TOPBP1: variants seen among roughly 807,000 people sequenced by gnomAD.
TOPBP1 encodes the protein DNA topoisomerase 2-binding protein 1.
A neutral mutation model predicts 167.7 loss-of-function variants in TOPBP1; 28 were observed. The observed-to-expected ratio is 0.17, with a 90% confidence interval of 0.12 to 0.23. The LOEUF (loss-of-function observed/expected upper bound fraction) is 0.23. Ranked by LOEUF, TOPBP1 falls within the 10% of genes least tolerant of loss-of-function variation. The pLI is 1.00. For synonymous variants in TOPBP1, 598 were observed against 611.4 expected (o/e 0.98, Z 0.32); for missense variants, 1,554 against 1,809.6 (o/e 0.86, Z 2.56).
chr3:133,649,470 A>G lies in TOPBP1; in HGVS notation c.1417T>C (p.Ser473Pro), dbSNP rs1936204715. 1 of 1,613,924 alleles carries G rather than the reference A, an allele frequency of 6.2e-7. No individual in the cohort carries two copies. The highest frequency in any genetic ancestry group is 1.3e-5 in the African/African-American group (1 of 75,050). ...TCACTAGGAGCAAAGTCTTTCTTAG[A>G]GAAGCTGCTGTTCTTCTTTTTTAAA... Reference protein sequence around the residue: ...ALLKKKNSSFSKKDFAPSEKH... With the variant: ...ALLKKKNSSFPKKDFAPSEKH... The change falls in exon 10 of 28, where the codon TCT (serine) becomes CCT (proline). Residue 473 changes from serine to proline, a missense_variant. Physicochemically the swap from Ser to Pro is moderately conservative, Grantham distance 74. Around this residue, in one of 3 missense-constraint regions of TOPBP1, gnomAD observed 1,197 missense variants for 1,351.5 expected, o/e 0.89. Transcript: ENST00000260810.
Position 133,623,445 on chromosome 3 carries a change from A to C in TOPBP1, c.2941T>G (p.Cys981Gly). Residue 981 changes from cysteine to glycine, a missense_variant, in exon 18 of 28, where the codon TGT becomes GGT. Coordinates refer to ENST00000260810, the MANE Select transcript of TOPBP1 (RefSeq NM_007027.4). ...EHWLLDCAQECKHLPESLYPH... is the reference protein window; with the variant it reads ...EHWLLDCAQEGKHLPESLYPH... Reference sequence around the variant, plus strand: ...TAAAGAGATTCAGGAAGATGTTTACACTCTTGGGCACACTGCAATACAATG... The same window carrying C: ...TAAAGAGATTCAGGAAGATGTTTACCCTCTTGGGCACACTGCAATACAATG... 1 of 1,610,268 alleles carries C rather than the reference A, an allele frequency of 6.2e-7. No individual in the cohort carries two copies.
intron 27 of TOPBP1, among the ~76,000 whole-genome samples, chr3:133,602,032 T>C (rs1934321964): frequency 6.6e-6 from 1 of 152,022 alleles, no homozygotes; most frequent in Non-Finnish European, 1.5e-5. Context: ...GCAAACACAG[T>C]GTATGAAGTA....
At chr3:133,609,303 G>A (rs757400956) in intron 25 of TOPBP1, among the ~76,000 whole-genome samples, 1 of 152,160 alleles carries the variant, frequency 6.6e-6, no homozygotes, top group South Asian at 2.1e-4. Flanking sequence ...GATGAAGCCT[G>A]CGTTTCACTT....
intron 13 of TOPBP1, among the ~76,000 whole-genome samples, chr3:133,638,780 C>T (rs571171179): frequency 6.6e-6 from 1 of 152,296 alleles, no homozygotes; most frequent in East Asian, 1.9e-4. Context: ...ATGCCTTCCA[C>T]CTTTTTTCAA....
Position 133,620,383 on chromosome 3 carries a change from T to G in TOPBP1, c.3179-36A>C, listed in dbSNP as rs200290702. On this transcript the variant is annotated intron_variant, in intron 19 of 27. Transcript: ENST00000260810. ...ACACAAATACACCATTCAAGGTAAG[T>G]TCCTCTTTTTTACCATATCTTACAT... 1.6e-5 allele frequency: 25 copies of G among 1,584,722 alleles called. No homozygotes were observed. The East Asian group carries it at 5.6e-4, about 35-fold the overall frequency.
intron 5 of TOPBP1, 141 bp downstream of exon 5, chr3:133,656,535 G>T: frequency 1.3e-6 from 1 of 762,032 alleles, no homozygotes; most frequent in Non-Finnish European, 1.9e-6. Context: ...TGTAGATTCT[G>T]CTCTTCCGTT....
At chr3:133,612,368 T>C (rs1337058797) in intron 24 of TOPBP1, 21 bp downstream of exon 24, 1 of 1,611,886 alleles carries the variant, frequency 6.2e-7, no homozygotes, top group South Asian at 1.1e-5. Flanking sequence ...AAAATAAACT[T>C]CCACAAATCT....
chr3:133,601,770 C>T (rs1934308519), intron 27 of TOPBP1, among the ~76,000 whole-genome samples: 1 of 152,180 alleles, frequency 6.6e-6, no homozygotes, highest in Non-Finnish European at 1.5e-5. Flanking sequence ...AAAACCCTTG[C>T]ATTTTCCCCC....
intron 6 of TOPBP1, among the ~76,000 whole-genome samples, chr3:133,654,242 C>A (rs1047128473): frequency 6.6e-6 from 1 of 152,110 alleles, no homozygotes; most frequent in African/African-American, 2.4e-5. Context: ...TAATAAATCC[C>A]AACTTTGAAC....
rs748754772 is a variant in TOPBP1 at position 133,618,301 on chromosome 3, T to G, written c.3504A>C (p.Thr1168=). Residue 1168 remains threonine (T), a synonymous_variant, in exon 21 of 28, where the codon ACA becomes ACC. Transcript: ENST00000260810. ...ASNLQWPSCP[T]QYSELQVDIQ... Reference sequence around the variant, plus strand: ...TGTCAACCTGAAGCTCAGAGTATTGTGTGGGACAACTAGGCCACTGCAAAT... The same window carrying G: ...TGTCAACCTGAAGCTCAGAGTATTGGGTGGGACAACTAGGCCACTGCAAAT... 6.2e-7 allele frequency: 1 copy of G among 1,614,026 alleles called. No individual in the cohort carries two copies. Among genetic ancestry groups the G allele is most frequent in the African/African-American group, 1.3e-5 (1 of 75,070 alleles).
intron 19 of TOPBP1, among the ~76,000 whole-genome samples, chr3:133,621,837 G>A (rs577501846): frequency 1.3e-5 from 2 of 152,318 alleles, no homozygotes; most frequent in African/African-American, 4.8e-5. Context: ...TCTATTAAAA[G>A]ACATCCATGT....
chr3:133,623,046 T>C, intron 19 of TOPBP1, 45 bp downstream of exon 19: 1 of 1,246,172 alleles, frequency 8.0e-7, no homozygotes. Flanking sequence ...AATTGAGACC[T>C]TGTCTCAAAA....
intron 14 of TOPBP1, among the ~76,000 whole-genome samples, chr3:133,633,810 A>C (rs1013758789): frequency 3.7e-4 from 56 of 152,272 alleles, no homozygotes; most frequent in African/African-American, 1.3e-3. Flanking sequence ...AAAACAAAAC[A>C]AAACCTTTTT....
At chr3:133,625,112 G>A (rs755340953) in intron 16 of TOPBP1, among the ~76,000 whole-genome samples, 6 of 152,130 alleles carry the variant, frequency 3.9e-5, no homozygotes, top group Non-Finnish European at 8.8e-5. Flanking sequence ...GATTATAGGC[G>A]TACGCCACCA....
chr3:133,661,056 A>T lies in TOPBP1; in HGVS notation c.72T>A (p.Phe24Leu). The change falls in exon 2 of 28, where the codon TTT becomes TTA. Residue 24 changes from phenylalanine to leucine, a missense_variant. By Grantham distance (22) the Phe-to-Leu change is conservative. Coordinates refer to ENST00000260810, the MANE Select transcript of TOPBP1 (RefSeq NM_007027.4). ...TTTCAACTCTTACCTCGAGAGCTTT[A>T]AAAAAACATTTGGAATTGTCTGAAG... ...LKSSDNSKCF[F>L]KALESIKEFQ... 1 of 1,586,690 alleles carries T rather than the reference A, an allele frequency of 6.3e-7. No homozygotes were observed. The highest frequency in any genetic ancestry group is 8.5e-7 in the Non-Finnish European group (1 of 1,170,932).
In TOPBP1 at chr3:133,638,022, G is replaced by A. The variant is rs558265646; in HGVS notation, c.2374C>T (p.Arg792Cys). Residue 792 changes from arginine to cysteine, a missense_variant, in exon 14 of 28, where the codon CGT (arginine) becomes TGT (cysteine). By Grantham distance (180) the Arg-to-Cys change is radical. Coordinates refer to ENST00000260810, the MANE Select transcript of TOPBP1 (RefSeq NM_007027.4). ...CTGGCATGTTGTGAGACCACAGCAC[G>A]GAAAGCTTTACTCTGAAAGCGGTTC... ...DMNRFQSKAF[R>C]AVVSQHARQV... is the part of the protein sequence containing the mutation. 1.1e-5 allele frequency: 18 copies of A among 1,613,944 alleles called. No individual in the cohort carries two copies. The highest frequency in any genetic ancestry group is 1.4e-5 in the Non-Finnish European group (17 of 1,179,868).
rs570542196 is a variant in TOPBP1 at position 133,601,077 on chromosome 3, T to C, written c.*173A>G. The stretch of plus-strand genomic sequence containing the variant: ...ACTTTTTATTAAGAAACAGTTAATA[T>C]TTCAGTGATTACAATTTCAGGTGTT... On this transcript the variant is annotated 3_prime_UTR_variant, in exon 28 of 28. Coordinates refer to ENST00000260810, the MANE Select transcript of TOPBP1 (RefSeq NM_007027.4). 6.6e-5 allele frequency: 32 copies of C among 481,504 alleles called. No individual in the cohort carries two copies. Among genetic ancestry groups the C allele is most frequent in the African/African-American group, 6.6e-4 (32 of 48,510 alleles). The allele number at this position is 481,504 out of a possible 1,614,324, so 29.8% of individuals were successfully genotyped here. A position where few individuals can be genotyped will look rare whatever the true frequency, so the allele number is the denominator to read the frequency against.
At position 133,653,361 on chromosome 3, in the gene TOPBP1, C is replaced by G; in HGVS notation, c.906G>C (p.Gln302His). 6.2e-7 allele frequency: 1 copy of G among 1,600,158 alleles called. No individual in the cohort carries two copies. The highest frequency in any genetic ancestry group is 8.5e-7 in the Non-Finnish European group (1 of 1,175,650). ...GAGACTCACTATCAATTGTGTTGATCTGGCTGGTAGGAGTTGAAGAATTGG... is the reference window on the plus strand; with the variant it reads ...GAGACTCACTATCAATTGTGTTGATGTGGCTGGTAGGAGTTGAAGAATTGG... ...TMPNSSTPTS[Q>H]INTIDSRTLS... The change falls in exon 7 of 28, where the codon CAG (glutamine) becomes CAC (histidine). Residue 302 changes from glutamine to histidine, a missense_variant. Coordinates refer to ENST00000260810, the MANE Select transcript of TOPBP1 (RefSeq NM_007027.4).
rs1934294355 is a variant in TOPBP1, at chr3:133,601,392, T to C, written c.4427A>G (p.Glu1476Gly). The stretch of plus-strand genomic sequence containing the variant: ...GTAATTTTCTACATGAGGAGGTGAT[T>C]CCTATAAAAGGAAAAATAAGTGATT... ...TEYIADYLMQ[E>G]SPPHVENYCL... Residue 1476 changes from glutamate (E) to glycine (G), a missense_variant and splice_region_variant, in exon 28 of 28, where the codon GAA (glutamate) becomes GGA (glycine). Physicochemically the swap from Glu to Gly is moderately conservative, Grantham distance 98. Around this residue, in one of 3 missense-constraint regions of TOPBP1, gnomAD observed 351 missense variants for 432.9 expected, o/e 0.81. Coordinates refer to ENST00000260810, the MANE Select transcript of TOPBP1 (RefSeq NM_007027.4). 3 of 1,510,554 alleles carry C rather than the reference T, an allele frequency of 2.0e-6. No individual in the cohort carries two copies. In the African/African-American group the frequency reaches 4.2e-5, roughly 21 times the overall value. 93.6% of individuals were successfully genotyped at this position (1,510,554 alleles called of 1,614,324 possible).
Sources: gnomAD v4.1 joint callset for allele counts (sites outside exome capture counted in the v4.1 genomes callset) on GRCh38, gnomAD v4.1.1 for gene constraint, gnomAD v4.1.1 regional missense constraint, MANE v1.5 for transcripts, NCBI Gene and HGNC (gene_info 2026-07-23, HGNC 2026-07-21) for gene names.